NCAM1: variants seen among roughly 807,000 people sequenced by gnomAD.
NCAM1 encodes neural cell adhesion molecule 1.
NCAM1 carries 14 observed loss-of-function variants against 109.8 expected under a neutral mutation model. The ratio of observed to expected loss-of-function variants is 0.13; its 90% CI spans 0.08 to 0.20. The LOEUF (loss-of-function observed/expected upper bound fraction) is 0.20, where lower values mean the gene tolerates loss of function less well. NCAM1 is among the 10% of genes least tolerant of loss of function. NCAM1 has a pLI of 1.00. For synonymous variants in NCAM1, 418 were observed against 442.9 expected (o/e 0.94, Z 0.70); for missense variants, 774 against 1,109.9 (o/e 0.70, Z 4.30).
chr11:113,030,224 T>C (rs1555078115), intron 1 of NCAM1, among the ~76,000 whole-genome samples: 2 of 152,196 alleles, frequency 1.3e-5, no homozygotes, highest in Non-Finnish European at 2.9e-5. Flanking sequence ...ATGCCTGGAT[T>C]ATAAACACTA....
In NCAM1 at chr11:113,250,407, A is replaced by G. The variant is rs549835193; in HGVS notation, c.1828+4037A>G. Among the ~76,000 whole-genome samples, 8 of 152,348 alleles carry G rather than the reference A, an allele frequency of 5.3e-5. No homozygotes were observed. In the South Asian group the frequency reaches 8.3e-4, roughly 16 times the overall value. On this transcript the variant is annotated intron_variant, in intron 15 of 19. Coordinates refer to ENST00000316851, the MANE Select transcript of NCAM1 (RefSeq NM_181351.5). Reference sequence around the variant, plus strand: ...TAACGCTAAATCCTGATTCCCTCAGATAATTTGCTGATCCCCTAAGGACCA... The same window carrying G: ...TAACGCTAAATCCTGATTCCCTCAGGTAATTTGCTGATCCCCTAAGGACCA...
At chr11:112,995,188 A>ACC (rs5794834) in intron 1 of NCAM1, among the ~76,000 whole-genome samples, 8 of 151,756 alleles carry the variant, frequency 5.3e-5, no homozygotes, top group Non-Finnish European at 7.4e-5. Flanking sequence ...ACTGCATCCT[A>ACC]CCCCCCGCCA....
chr11:112,967,908 T>C (rs1950771361), intron 1 of NCAM1, among the ~76,000 whole-genome samples: 1 of 152,216 alleles, frequency 6.6e-6, no homozygotes, highest in African/African-American at 2.4e-5. Context: ...GAGGGCCTTC[T>C]TTAAGGAAAA....
chr11:113,242,893 T>C (rs1481265063), intron 14 of NCAM1: 1 of 1,613,348 alleles, frequency 6.2e-7, no homozygotes, highest in East Asian at 2.2e-5. Context: ...TGATCGCTTG[T>C]TGTAGAGCCG....
Position 113,204,279 on chromosome 11 carries a change from T to G in NCAM1, c.128-7T>G. The G allele has an allele frequency of 6.2e-7, 1 of 1,603,356 alleles. No individual in the cohort carries two copies. The highest frequency in any genetic ancestry group is 8.5e-7 in the Non-Finnish European group (1 of 1,174,260). On this transcript the variant is annotated splice_polypyrimidine_tract_variant and splice_region_variant and intron_variant, in intron 2 of 19. Coordinates refer to ENST00000316851, the MANE Select transcript of NCAM1 (RefSeq NM_181351.5). The stretch of plus-strand genomic sequence containing the variant: ...CAGTAGCTTAAAAATAATCTCTTCC[T>G]CTTTAGTGGCAGGAGATGCCAAAGA...
At chr11:112,998,213 G>A (rs1434048453) in intron 1 of NCAM1, among the ~76,000 whole-genome samples, 3 of 152,160 alleles carry the variant, frequency 2.0e-5, no homozygotes, top group Non-Finnish European at 4.4e-5. Context: ...TTGGTGCCAT[G>A]TGGTGTTTTC....
chr11:113,065,038 A>G (rs1937885340), intron 1 of NCAM1, among the ~76,000 whole-genome samples: 1 of 152,198 alleles, frequency 6.6e-6, no homozygotes, highest in Non-Finnish European at 1.5e-5. Context: ...CAGGAAGTAT[A>G]TAAGATGAGC....
chr11:113,068,745 C>A (rs1938107856), intron 1 of NCAM1, among the ~76,000 whole-genome samples: 1 of 152,090 alleles, frequency 6.6e-6, no homozygotes, highest in Non-Finnish European at 1.5e-5. Context: ...ACTTTAGCAA[C>A]CTTACCACTG....
At chr11:113,263,091 A>G in intron 17 of NCAM1, 4 of 1,361,860 alleles carry the variant, frequency 2.9e-6, no homozygotes, top group Non-Finnish European at 2.8e-6. Flanking sequence ...ACCTCCAGAC[A>G]TGTCACCACT....
At chr11:113,020,614 C>T (rs1565386725) in intron 1 of NCAM1, among the ~76,000 whole-genome samples, 1 of 152,174 alleles carries the variant, frequency 6.6e-6, no homozygotes, top group Non-Finnish European at 1.5e-5. Context: ...CAGAGCACAA[C>T]ATAGTTTGCT....
intron 1 of NCAM1, among the ~76,000 whole-genome samples, chr11:113,163,131 AC>A (rs1223659986): frequency 1.3e-5 from 2 of 152,200 alleles, no homozygotes; most frequent in Admixed American, 1.3e-4. Context: ...GCAACCTCAA[AC>A]TCTGCTGACC....
intron 1 of NCAM1, among the ~76,000 whole-genome samples, chr11:113,130,030 G>A (rs1290079022): frequency 6.6e-6 from 1 of 152,118 alleles, no homozygotes; most frequent in African/African-American, 2.4e-5. Flanking sequence ...GGTGTCTAAG[G>A]GCCCCCTTTT....
At chr11:112,989,757 A>G (rs1482837750) in intron 1 of NCAM1, among the ~76,000 whole-genome samples, 2 of 151,940 alleles carry the variant, frequency 1.3e-5, no homozygotes, top group Non-Finnish European at 2.9e-5. Flanking sequence ...CTTTTTTTGG[A>G]AAGAGTTTTT....
intron 1 of NCAM1, among the ~76,000 whole-genome samples, chr11:113,142,357 G>A (rs1941860801): frequency 6.6e-6 from 1 of 152,200 alleles, no homozygotes; most frequent in Non-Finnish European, 1.5e-5. Flanking sequence ...TCCCTAGAGT[G>A]AACGACAAGA....
intron 7 of NCAM1, among the ~76,000 whole-genome samples, chr11:113,214,145 T>A (rs561150744): frequency 6.6e-6 from 1 of 152,324 alleles, no homozygotes; most frequent in East Asian, 1.9e-4. Flanking sequence ...CTTGCCCTTA[T>A]CACTTTTACT....
chr11:112,999,748 C>T (rs1395613154), intron 1 of NCAM1, among the ~76,000 whole-genome samples: 1 of 152,126 alleles, frequency 6.6e-6, no homozygotes, highest in Non-Finnish European at 1.5e-5. Flanking sequence ...TCCCCTGAGA[C>T]AGTGTGCCTG....
At chr11:113,186,279 C>T (rs1943505920) in intron 1 of NCAM1, among the ~76,000 whole-genome samples, 1 of 152,160 alleles carries the variant, frequency 6.6e-6, no homozygotes, top group African/African-American at 2.4e-5. Context: ...GCATTAGATT[C>T]TCATAGAAGT....
chr11:113,139,309 C>T (rs1941725553), intron 1 of NCAM1, among the ~76,000 whole-genome samples: 1 of 152,168 alleles, frequency 6.6e-6, no homozygotes, highest in Admixed American at 6.5e-5. Flanking sequence ...CAAAATATTA[C>T]ATTCAGTGCT....
intron 1 of NCAM1, among the ~76,000 whole-genome samples, chr11:113,142,037 C>T (rs552796535): frequency 3.9e-5 from 6 of 152,098 alleles, no homozygotes; most frequent in Non-Finnish European, 7.3e-5. Flanking sequence ...CTAATTTTTC[C>T]GTCTGGGCTA....
Sources: allele counts gnomAD v4.1 joint callset (sites outside exome capture counted in the v4.1 genomes callset), GRCh38; gene constraint gnomAD v4.1.1; transcripts MANE v1.5; gene names NCBI Gene and HGNC (gene_info 2026-07-23, HGNC 2026-07-21).